The following ZNF407 variants were observed in gnomAD, a reference collection of about 807,000 sequenced individuals.
ZNF407 encodes the protein zinc finger protein 407.
A neutral mutation model predicts 131.2 loss-of-function variants in ZNF407; 17 were observed. The observed-to-expected ratio is 0.13, with a 90% CI of 0.09 to 0.19. The LOEUF (loss-of-function observed/expected upper bound fraction) is 0.19, where lower values mean the gene tolerates loss of function less well. Among genes scored for constraint, ZNF407 ranks in the 10% least tolerant of loss-of-function variants. ZNF407 has a pLI of 1.00. For synonymous variants in ZNF407, 1,156 were observed against 1,062.0 expected (o/e 1.09, Z -1.72); for missense variants, 2,681 against 2,830.6 (o/e 0.95, Z 1.20).
chr18:74,712,231 G>C (rs984112109), intron 3 of ZNF407, among the ~76,000 whole-genome samples: 4 of 152,118 alleles, frequency 2.6e-5, no homozygotes, highest in African/African-American at 9.7e-5. Flanking sequence ...TAGAAGTCTT[G>C]GGTTCATGTC....
intron 4 of ZNF407, among the ~76,000 whole-genome samples, chr18:74,793,702 A>C (rs1260295976): frequency 6.6e-6 from 1 of 152,240 alleles, no homozygotes; most frequent in Non-Finnish European, 1.5e-5. Flanking sequence ...TATGATGAGA[A>C]GAGTTGGGTT....
At chr18:74,822,552 T>C (rs925151236) in intron 4 of ZNF407, among the ~76,000 whole-genome samples, 5 of 152,330 alleles carry the variant, frequency 3.3e-5, no homozygotes, top group African/African-American at 1.2e-4. Context: ...TTTTGTCAGG[T>C]TTGTCAAAGA....
At chr18:74,689,743 T>C (rs1182597846) in intron 3 of ZNF407, among the ~76,000 whole-genome samples, 1 of 152,354 alleles carries the variant, frequency 6.6e-6, no homozygotes, top group Non-Finnish European at 1.5e-5. Context: ...AAGGAAAATG[T>C]CTTACAAAGG....
At chr18:75,060,956 C>T (rs1973626283) in intron 8 of ZNF407, among the ~76,000 whole-genome samples, 3 of 152,168 alleles carry the variant, frequency 2.0e-5, no homozygotes, top group Admixed American at 2.0e-4. Context: ...AAGAGCTGGG[C>T]CATGTCCCCT....
intron 8 of ZNF407, among the ~76,000 whole-genome samples, chr18:75,012,230 C>T (rs1972982464): frequency 6.6e-6 from 1 of 151,924 alleles, no homozygotes; most frequent in Non-Finnish European, 1.5e-5. Flanking sequence ...GCTGAATGAA[C>T]ATCACAGGGC....
At chr18:74,763,735 A>C (rs1599134159) in intron 3 of ZNF407, among the ~76,000 whole-genome samples, 1 of 107,582 alleles carries the variant, frequency 9.3e-6, no homozygotes, top group Non-Finnish European at 1.7e-5. Flanking sequence ...TTTGAGACGG[A>C]GTCTCGCTCT....
chr18:74,963,963 C>G (rs149913977), intron 8 of ZNF407, among the ~76,000 whole-genome samples: 80 of 152,350 alleles, frequency 5.3e-4, no homozygotes, highest in African/African-American at 1.7e-3. Context: ...GGCCTCATTA[C>G]AGCTGCCTCT....
At chr18:74,846,347 T>C (rs1970702705) in intron 4 of ZNF407, among the ~76,000 whole-genome samples, 3 of 139,292 alleles carry the variant, frequency 2.2e-5, no homozygotes, top group Non-Finnish European at 4.5e-5. Context: ...TAAAACGTCT[T>C]TTTTTTTTTT....
At chr18:75,056,458 T>C (rs1973563360) in intron 8 of ZNF407, among the ~76,000 whole-genome samples, 2 of 152,238 alleles carry the variant, frequency 1.3e-5, no homozygotes, top group African/African-American at 2.4e-5. Context: ...TCCCATGTTA[T>C]ACCAGATTCA....
chr18:74,608,231 G>T (rs1390183748), intron 1 of ZNF407, among the ~76,000 whole-genome samples: 3 of 152,136 alleles, frequency 2.0e-5, no homozygotes, highest in Admixed American at 2.0e-4. Context: ...ACATTTATTT[G>T]AATTTAACCA....
At position 75,063,654 on chromosome 18, in the gene ZNF407, C is replaced by T; in HGVS notation, c.5933C>T (p.Ala1978Val). The change falls in exon 9 of 9, where the codon GCT (alanine) becomes GTT (valine). Residue 1978 changes from alanine to valine, a missense_variant. Around this residue, in one of 6 missense-constraint regions of ZNF407, gnomAD observed 620 missense variants for 583.1 expected, o/e 1.06. Coordinates refer to ENST00000299687, the MANE Select transcript of ZNF407 (RefSeq NM_017757.3). This position sits in a 1 kb window ranked among gnomAD's most constrained non-coding sequence, Gnocchi z 6.6. ...TKQEILNLSE[A>V]GVAPPEASSA... ...CAGGAGATTTTAAACCTCTCGGAGG[C>T]TGGAGTCGCTCCCCCCGAGGCATCC... is the stretch of plus-strand genomic sequence containing the variant. 1 of 1,604,794 alleles carries T rather than the reference C, an allele frequency of 6.2e-7. No individual in the cohort carries two copies. The highest frequency in any genetic ancestry group is 1.3e-5 in the African/African-American group (1 of 74,894).
intron 8 of ZNF407, among the ~76,000 whole-genome samples, chr18:74,947,329 A>C (rs1481970250): frequency 6.6e-6 from 1 of 152,124 alleles, no homozygotes; most frequent in Non-Finnish European, 1.5e-5. Flanking sequence ...AATATTATGA[A>C]GTAAGAGGGC....
chr18:74,726,487 C>A (rs1390116416), intron 3 of ZNF407, among the ~76,000 whole-genome samples: 1 of 152,026 alleles, frequency 6.6e-6, no homozygotes, highest in African/African-American at 2.4e-5. Context: ...ATGCATAAAC[C>A]AATTTACATA....
chr18:74,757,821 AG>A (rs764567773), intron 3 of ZNF407, among the ~76,000 whole-genome samples: 46 of 152,146 alleles, frequency 3.0e-4, no homozygotes, highest in Non-Finnish European at 5.7e-4. Context: ...CTTTGTTATT[AG>A]TACGTTTGTG....
At chr18:74,746,091 A>G (rs541410272) in intron 3 of ZNF407, among the ~76,000 whole-genome samples, 6 of 152,188 alleles carry the variant, frequency 3.9e-5, no homozygotes, top group Non-Finnish European at 7.3e-5. Flanking sequence ...GGTATGGCCT[A>G]TTGCTCCTAG....
At chr18:74,923,026 T>C (rs895867610) in intron 8 of ZNF407, among the ~76,000 whole-genome samples, 27 of 152,236 alleles carry the variant, frequency 1.8e-4, no homozygotes, top group African/African-American at 4.8e-4. Context: ...CATGATCATT[T>C]TTAGCATAAA....
intron 8 of ZNF407, among the ~76,000 whole-genome samples, chr18:74,995,558 G>T (rs1972770751): frequency 6.6e-6 from 1 of 152,176 alleles, no homozygotes; most frequent in Admixed American, 6.5e-5. Flanking sequence ...GTAGCTCTGG[G>T]TCAGCTCTGT....
chr18:74,921,941 A>G (rs1356233983), intron 8 of ZNF407, among the ~76,000 whole-genome samples: 1 of 152,234 alleles, frequency 6.6e-6, no homozygotes, highest in Non-Finnish European at 1.5e-5. Context: ...ACACTTGACA[A>G]TACGTGGATA....
At chr18:74,695,885 A>T (rs1391002986) in intron 3 of ZNF407, among the ~76,000 whole-genome samples, 1 of 152,228 alleles carries the variant, frequency 6.6e-6, no homozygotes, top group Non-Finnish European at 1.5e-5. Flanking sequence ...AGAGATCTAC[A>T]TAAATATATT....
Sources: gnomAD v4.1 joint callset for allele counts (sites outside exome capture counted in the v4.1 genomes callset) on GRCh38, gnomAD v4.1.1 for gene constraint, gnomAD v4.1.1 regional missense constraint, Gnocchi (gnomAD v3.1) non-coding constraint, MANE v1.5 for transcripts, NCBI Gene and HGNC (gene_info 2026-07-23, HGNC 2026-07-21) for gene names.